The following CALN1 variants were observed in gnomAD, a reference collection of about 807,000 sequenced individuals.
CALN1 encodes the protein calcium-binding protein 8.
A neutral mutation model predicts 30.6 loss-of-function variants in CALN1; 17 were observed. The ratio of observed to expected loss-of-function variants is 0.56; its 90% CI spans 0.38 to 0.83. The LOEUF (loss-of-function observed/expected upper bound fraction) is 0.83. Among genes scored for constraint, CALN1 ranks in the 40% least tolerant of loss-of-function variants. The probability of loss-of-function intolerance (pLI) is 0.00; values close to 1 mark genes in which losing one functional copy is unlikely to be tolerated. For synonymous variants in CALN1, 156 were observed against 131.4 expected (o/e 1.19, Z -1.28); for missense variants, 291 against 354.9 (o/e 0.82, Z 1.45).
intron 3 of CALN1, among the ~76,000 whole-genome samples, chr7:72,177,274 G>C (rs973743752): frequency 6.6e-6 from 1 of 152,122 alleles, no homozygotes; most frequent in East Asian, 1.9e-4. Flanking sequence ...TTAGAGAGGA[G>C]GACACTTGGA....
chr7:72,029,276 G>A (rs117844108), intron 4 of CALN1, among the ~76,000 whole-genome samples: 2,158 of 151,968 alleles, frequency 0.014, 34 homozygotes, highest in Middle Eastern at 0.037. Flanking sequence ...CACACCCAGC[G>A]AATTGTTTGT....
intron 5 of CALN1, among the ~76,000 whole-genome samples, chr7:71,866,490 T>A (rs1297276549): frequency 6.6e-6 from 1 of 152,184 alleles, no homozygotes; most frequent in African/African-American, 2.4e-5. Context: ...AAGTAGCATA[T>A]GATCCATATG....
At chr7:72,101,072 T>G (rs950625874) in intron 4 of CALN1, among the ~76,000 whole-genome samples, 20 of 151,932 alleles carry the variant, frequency 1.3e-4, no homozygotes, top group Admixed American at 3.9e-4. Flanking sequence ...CAAGTGATTC[T>G]CGTGCCTTAG....
intron 5 of CALN1, among the ~76,000 whole-genome samples, chr7:71,963,308 GCA>G (rs1323594800): frequency 1.3e-5 from 2 of 152,082 alleles, no homozygotes; most frequent in African/African-American, 4.8e-5. Context: ...GATTACAGGT[GCA>G]CGCCACCACG....
rs1792656145 is a variant in CALN1, at chr7:71,780,433, G to A, written c.*7342C>T. 1 of 152,178 alleles carries A rather than the reference G, an allele frequency of 6.6e-6. No individual in the cohort carries two copies. Among genetic ancestry groups the A allele is most frequent in the African/African-American group, 2.4e-5 (1 of 41,414 alleles). 9.4% of individuals were successfully genotyped at this position (152,178 alleles called of 1,614,324 possible). Reference sequence around the variant, plus strand: ...GGGTTTTATGTTGCCTGGGGCAGAAGGGTTAGAGACTTGTGGATCCTGCAG... The same window carrying A: ...GGGTTTTATGTTGCCTGGGGCAGAAAGGTTAGAGACTTGTGGATCCTGCAG... On this transcript the variant is annotated 3_prime_UTR_variant, in exon 7 of 7. Coordinates refer to ENST00000395275, the MANE Select transcript of CALN1 (RefSeq NM_031468.4).
At chr7:72,108,646 C>T (rs1807343638) in intron 3 of CALN1, among the ~76,000 whole-genome samples, 1 of 152,228 alleles carries the variant, frequency 6.6e-6, no homozygotes, top group African/African-American at 2.4e-5. Context: ...AGGCAGACTC[C>T]TGCCTTTCCC....
intron 4 of CALN1, among the ~76,000 whole-genome samples, chr7:72,058,799 T>C (rs1250072684): frequency 6.6e-6 from 1 of 152,132 alleles, no homozygotes; most frequent in Non-Finnish European, 1.5e-5. Context: ...ACACTGGGGA[T>C]GCTGAGTTGC....
intron 5 of CALN1, among the ~76,000 whole-genome samples, chr7:71,848,595 T>G (rs1790454631): frequency 3.3e-5 from 5 of 152,158 alleles, no homozygotes; most frequent in Admixed American, 3.3e-4. Context: ...AAAAGCCATC[T>G]GTTTTGTGTT....
chr7:71,806,811 G>A (rs908138057), intron 6 of CALN1, among the ~76,000 whole-genome samples: 33 of 152,162 alleles, frequency 2.2e-4, no homozygotes, highest in African/African-American at 7.9e-4. Flanking sequence ...TCAGTCTCTT[G>A]CCCTCCACAA....
intron 3 of CALN1, among the ~76,000 whole-genome samples, chr7:72,273,335 T>A (rs1797119622): frequency 1.4e-5 from 2 of 145,110 alleles, no homozygotes; most frequent in Non-Finnish European, 3.0e-5. Flanking sequence ...GGCAGGAGAA[T>A]CACTTGAACC....
intron 4 of CALN1, among the ~76,000 whole-genome samples, chr7:72,077,153 T>A (rs540999517): frequency 6.6e-5 from 10 of 152,276 alleles, no homozygotes; most frequent in Admixed American, 2.0e-4. Flanking sequence ...TAACAAAACA[T>A]CACCAGGACT....
intron 3 of CALN1, among the ~76,000 whole-genome samples, chr7:72,220,220 T>C (rs1043198009): frequency 8.4e-6 from 1 of 119,256 alleles, no homozygotes; most frequent in African/African-American, 3.3e-5. Flanking sequence ...GTCCCTGGAG[T>C]GTGATGTTCC....
chr7:72,018,589 G>A (rs1473298687), intron 5 of CALN1, among the ~76,000 whole-genome samples: 1 of 152,140 alleles, frequency 6.6e-6, no homozygotes, highest in Non-Finnish European at 1.5e-5. Context: ...AGCGTATGCC[G>A]GGAGGACTGG....
intron 3 of CALN1, among the ~76,000 whole-genome samples, chr7:72,124,477 A>G (rs1476032466): frequency 6.6e-6 from 1 of 152,074 alleles, no homozygotes; most frequent in African/African-American, 2.4e-5. Flanking sequence ...CCGTTTCTAT[A>G]AAGAATTTTA....
intron 3 of CALN1, among the ~76,000 whole-genome samples, chr7:72,143,882 A>AT: frequency 1.3e-5 from 2 of 151,692 alleles, no homozygotes; most frequent in Non-Finnish European, 2.9e-5. Context: ...ACTAAGCTTC[A>AT]TAAGTGAAGG....
rs543442906 is a variant in CALN1, at chr7:71,888,296, G to A, written c.502-77804C>T. Among the ~76,000 whole-genome samples the A allele has an allele frequency of 5.3e-5, 8 of 151,940 alleles. No individual in the cohort carries two copies. The South Asian group carries it at 1.5e-3, about 28-fold the overall frequency. On this transcript the variant is annotated intron_variant, in intron 5 of 6. Coordinates refer to ENST00000395275, the MANE Select transcript of CALN1 (RefSeq NM_031468.4). Reference sequence around the variant, plus strand: ...TGCTAATGGGCGTGGGTTTATTTTGGGGGGAGATGAAAATGTTCTAAAATC... The same window carrying A: ...TGCTAATGGGCGTGGGTTTATTTTGAGGGGAGATGAAAATGTTCTAAAATC...
intron 2 of CALN1, among the ~76,000 whole-genome samples, chr7:72,348,166 A>G (rs1190624332): frequency 6.6e-6 from 1 of 152,242 alleles, no homozygotes; most frequent in Non-Finnish European, 1.5e-5. Flanking sequence ...TTATGTTTGC[A>G]TCAACATAGT....
chr7:72,065,834 A>G (rs1803983696), intron 4 of CALN1, among the ~76,000 whole-genome samples: 1 of 152,174 alleles, frequency 6.6e-6, no homozygotes, highest in African/African-American at 2.4e-5. Flanking sequence ...CAGAGGTTGC[A>G]GTGAGCCAAG....
chr7:72,056,063 A>G (rs1212710488), intron 4 of CALN1, among the ~76,000 whole-genome samples: 3 of 152,212 alleles, frequency 2.0e-5, no homozygotes, highest in African/African-American at 7.2e-5. Flanking sequence ...GAAGAAACCT[A>G]TACAACTTTA....
Sources: allele counts gnomAD v4.1 joint callset (sites outside exome capture counted in the v4.1 genomes callset), GRCh38; gene constraint gnomAD v4.1.1; transcripts MANE v1.5; gene names NCBI Gene and HGNC (gene_info 2026-07-23, HGNC 2026-07-21).